EIPR1: variants seen among roughly 807,000 people sequenced by gnomAD.
EIPR1 encodes EARP and GARP complex-interacting protein 1.
In EIPR1, 25 loss-of-function variants were observed where a neutral mutation model predicts 48.1. The ratio of observed to expected loss-of-function variants is 0.52; its 90% CI spans 0.38 to 0.73. The LOEUF is 0.73. Ranked by LOEUF, EIPR1 falls within the 30% of genes least tolerant of loss-of-function variation. EIPR1 has a pLI of 0.00. For synonymous variants in EIPR1, 204 were observed against 201.9 expected, an observed-to-expected ratio of 1.01 and a Z score of -0.09; for missense variants, 415 against 506.2, an observed-to-expected ratio of 0.82 and a Z score of 1.73.
intron 3 of EIPR1, among the ~76,000 whole-genome samples, chr2:3,297,051 C>G (rs888302357): frequency 4.6e-5 from 7 of 152,352 alleles, no homozygotes; most frequent in Non-Finnish European, 1.0e-4. Flanking sequence ...CTCTCTGTAC[C>G]AGAATCACTT....
chr2:3,266,986 G>A (rs530225330), intron 3 of EIPR1, among the ~76,000 whole-genome samples: 4 of 152,286 alleles, frequency 2.6e-5, no homozygotes, highest in South Asian at 2.1e-4. Context: ...GGAAGGACCC[G>A]TGGCTATTTT....
At chr2:3,194,188 C>T (rs773801499) in intron 6 of EIPR1, 22 bp from the exon 7 acceptor site, 1 of 1,611,736 alleles carries the variant, frequency 6.2e-7, no homozygotes, top group African/African-American at 1.3e-5. Flanking sequence ...GGAAGAACAG[C>T]AAAGGAAAAT....
At chr2:3,216,577 T>C (rs560104016) in intron 4 of EIPR1, among the ~76,000 whole-genome samples, 1 of 152,332 alleles carries the variant, frequency 6.6e-6, no homozygotes, top group South Asian at 2.1e-4. Context: ...TAAGAGCCTA[T>C]AAGTTATCCA....
chr2:3,308,680 T>C (rs1451204926), intron 3 of EIPR1, among the ~76,000 whole-genome samples: 3 of 152,170 alleles, frequency 2.0e-5, no homozygotes, highest in Non-Finnish European at 4.4e-5. Context: ...TCAAGTAGCA[T>C]ACACCCCAAG....
chr2:3,207,211 G>A (rs757129216), intron 5 of EIPR1, among the ~76,000 whole-genome samples: 1 of 152,212 alleles, frequency 6.6e-6, no homozygotes, highest in Non-Finnish European at 1.5e-5. Flanking sequence ...CTTGCTGTGA[G>A]GAACGCTGCT....
chr2:3,199,554 A>C (rs1664939486), intron 5 of EIPR1, among the ~76,000 whole-genome samples: 2 of 152,312 alleles, frequency 1.3e-5, no homozygotes, highest in South Asian at 2.1e-4. Flanking sequence ...AGGTCAAGAG[A>C]AGGTGGGGAC....
chr2:3,305,089 C>T (rs1392166521), intron 3 of EIPR1, among the ~76,000 whole-genome samples: 1 of 136,892 alleles, frequency 7.3e-6, no homozygotes, highest in African/African-American at 2.8e-5. Context: ...CAACCCTCCA[C>T]TCCCAACCAG....
intron 3 of EIPR1, among the ~76,000 whole-genome samples, chr2:3,317,004 A>G (rs1432990228): frequency 6.6e-6 from 1 of 152,196 alleles, no homozygotes; most frequent in Non-Finnish European, 1.5e-5. Flanking sequence ...CCAGGAGCAC[A>G]TGAAGCACTG....
intron 4 of EIPR1, among the ~76,000 whole-genome samples, chr2:3,256,613 G>A (rs1667164569): frequency 6.6e-6 from 1 of 152,214 alleles, no homozygotes; most frequent in African/African-American, 2.4e-5. Flanking sequence ...AATGCATTAA[G>A]TAAAACAATC....
At chr2:3,354,056 G>T (rs1472441704) in intron 2 of EIPR1, among the ~76,000 whole-genome samples, 2 of 152,132 alleles carry the variant, frequency 1.3e-5, no homozygotes, top group African/African-American at 4.8e-5. Context: ...AACCGAATCC[G>T]ATCTCCTAAG....
In EIPR1 at chr2:3,259,562, G is replaced by A. The variant is rs576183223; in HGVS notation, c.260-2107C>T. ...AGCGCTATTCACCTCTCTCCCCACA[G>A]TCCATCAACTTCACAGAGTAGAGAA... On this transcript the variant is annotated intron_variant, in intron 3 of 8. Transcript: ENST00000382125. Among the ~76,000 whole-genome samples, 63 of 152,228 alleles carry A rather than the reference G, an allele frequency of 4.1e-4. 1 individual carries two copies. Among genetic ancestry groups the A allele is most frequent in the Admixed American group, 3.4e-3 (52 of 15,292 alleles).
chr2:3,268,226 C>T (rs1458132590), intron 3 of EIPR1, among the ~76,000 whole-genome samples: 4 of 152,202 alleles, frequency 2.6e-5, no homozygotes, highest in Non-Finnish European at 5.9e-5. Flanking sequence ...CTGGGGCCCG[C>T]GCCAGCATCC....
At chr2:3,222,058 G>A (rs6712684) in intron 4 of EIPR1, among the ~76,000 whole-genome samples, 139,519 of 152,196 alleles carry the variant, frequency 0.92, 64,297 homozygotes, top group East Asian at 0.98. Context: ...CCAAAGTGGT[G>A]GAGATTCAAA....
chr2:3,298,486 G>T (rs565352739), intron 3 of EIPR1: 1 of 152,000 alleles, frequency 6.6e-6, no homozygotes, highest in South Asian at 2.1e-4. Context: ...TTAATCAGAA[G>T]GGAGTTATGG....
chr2:3,268,535 C>T (rs1031123206), intron 3 of EIPR1, among the ~76,000 whole-genome samples: 1 of 152,200 alleles, frequency 6.6e-6, no homozygotes, highest in Non-Finnish European at 1.5e-5. Flanking sequence ...CATCTGACGC[C>T]TGTGACTCTT....
At chr2:3,275,486 A>G (rs1667820173) in intron 3 of EIPR1, among the ~76,000 whole-genome samples, 1 of 152,236 alleles carries the variant, frequency 6.6e-6, no homozygotes, top group African/African-American at 2.4e-5. Flanking sequence ...TAAAATAGCA[A>G]GGTTATAAAA....
intron 4 of EIPR1, among the ~76,000 whole-genome samples, chr2:3,223,682 G>A (rs1665970412): frequency 1.3e-5 from 2 of 152,180 alleles, no homozygotes; most frequent in South Asian, 2.1e-4. Context: ...ACAAGGGGCT[G>A]CTGGGGCCAG....
At chr2:3,323,929 C>A (rs1669612824) in intron 3 of EIPR1, among the ~76,000 whole-genome samples, 1 of 152,180 alleles carries the variant, frequency 6.6e-6, no homozygotes, top group African/African-American at 2.4e-5. Flanking sequence ...TTGGAGTAGG[C>A]AGCAAGGGTG....
At chr2:3,210,541 G>A (rs901195240) in intron 5 of EIPR1, among the ~76,000 whole-genome samples, 10 of 151,874 alleles carry the variant, frequency 6.6e-5, no homozygotes, top group Non-Finnish European at 1.3e-4. Flanking sequence ...AGACAAGAAA[G>A]CAACATCCGC....
Sources: gnomAD v4.1 joint callset for allele counts (sites outside exome capture counted in the v4.1 genomes callset) on GRCh38, gnomAD v4.1.1 for gene constraint, MANE v1.5 for transcripts, NCBI Gene and HGNC (gene_info 2026-07-23, HGNC 2026-07-21) for gene names.